Variants in GZF1 observed in about 807,000 individuals in gnomAD.
The protein encoded by GZF1 is GDNF inducible zinc finger protein 1.
GZF1 carries 28 observed loss-of-function variants against 49.4 expected under a neutral mutation model. The observed-to-expected ratio is 0.57, with a 90% confidence interval of 0.42 to 0.78. GZF1 has a LOEUF of 0.78. Among genes scored for constraint, GZF1 ranks in the 30% least tolerant of loss-of-function variants. GZF1 has a pLI of 0.00. For missense variants in GZF1, 798 were observed against 916.2 expected (o/e 0.87, Z 1.67); for synonymous variants, 364 against 356.0 (o/e 1.02, Z -0.25).
chr20:23,366,621 C>T (rs954980112), intron 2 of GZF1, among the ~76,000 whole-genome samples: 3 of 152,162 alleles, frequency 2.0e-5, no homozygotes, highest in Admixed American at 2.0e-4. Flanking sequence ...ACTTAATCAG[C>T]AGTAGTTCCT....
At chr20:23,367,863 T>C (rs1379786527) in intron 3 of GZF1, among the ~76,000 whole-genome samples, 1 of 152,252 alleles carries the variant, frequency 6.6e-6, no homozygotes, top group South Asian at 2.1e-4. Flanking sequence ...CCAATTCTTC[T>C]CAGTTTCTTC....
chr20:23,366,659 T>C (rs577928490), intron 2 of GZF1, among the ~76,000 whole-genome samples: 1 of 152,224 alleles, frequency 6.6e-6, no homozygotes, highest in Admixed American at 6.5e-5. Context: ...TTATTCTGTA[T>C]GAGACAGCTT....
chr20:23,369,090 CTG>C (rs1981754315), intron 4 of GZF1, among the ~76,000 whole-genome samples, 161 bp downstream of exon 4: 1 of 152,166 alleles, frequency 6.6e-6, no homozygotes, highest in Admixed American at 6.5e-5. Flanking sequence ...GTTTCTAACT[CTG>C]AGAAACTGAA....
Position 23,365,708 on chromosome 20 carries a change from C to G in GZF1, c.1325C>G (p.Ala442Gly). The change falls in exon 2 of 6, where the codon GCC (alanine) becomes GGC (glycine). Residue 442 changes from alanine to glycine, a missense_variant. Ala to Gly is a moderately conservative substitution (Grantham distance 60, BLOSUM62 0). Around this residue, in one of 3 missense-constraint regions of GZF1, gnomAD observed 446 missense variants for 540.1 expected, o/e 0.83. Coordinates refer to ENST00000338121, the MANE Select transcript of GZF1 (RefSeq NM_022482.5). ...CCCTACGGCTGCACCGAGTGCGGCG[C>G]CAGGTTCTCGCAGCCGTCCGCGCTC... Reference protein sequence around the residue: ...DRPYGCTECGARFSQPSALKT... With the variant: ...DRPYGCTECGGRFSQPSALKT... The G allele has an allele frequency of 6.4e-7, 1 of 1,565,294 alleles. No individual in the cohort carries two copies. Among genetic ancestry groups the G allele is most frequent in the Non-Finnish European group, 8.6e-7 (1 of 1,160,546 alleles).
chr20:23,365,751 C>G lies in GZF1; in HGVS notation c.1364+4C>G, dbSNP rs1010522445. 10 of 1,522,662 alleles carry G rather than the reference C, an allele frequency of 6.6e-6. No individual in the cohort carries two copies. The highest frequency in any genetic ancestry group is 4.1e-5 in the African/African-American group (3 of 72,934). 94.3% of individuals were successfully genotyped at this position (1,522,662 alleles called of 1,614,324 possible). ...CCGCGCTCAAGACGCACATGAGGTA[C>G]GCGGGGAGCCGTCCGGAGGGGTCCC... On this transcript the variant is annotated splice_donor_region_variant and intron_variant, in intron 2 of 5. Coordinates refer to ENST00000338121, the MANE Select transcript of GZF1 (RefSeq NM_022482.5).
chr20:23,366,948 G>T, intron 2 of GZF1, 55 bp from the exon 3 acceptor site: 2 of 1,244,370 alleles, frequency 1.6e-6, no homozygotes, highest in Non-Finnish European at 2.4e-6. Context: ...AAATTGTATT[G>T]CAAAGTGAGC....
intron 2 of GZF1, 22 bp from the exon 3 acceptor site, chr20:23,366,981 C>T (rs767375127): frequency 4.7e-6 from 7 of 1,492,260 alleles, no homozygotes; most frequent in Admixed American, 1.7e-5. Context: ...CCTAAGTTAT[C>T]ATCTGAATGT....
rs1010353979 is a variant in GZF1, at chr20:23,371,433, A to C, written c.*992A>C. ...AGATGGAAACAGGCAAGTAACTGAC[A>C]TGTCTATTTCCTTGGGAGCATGTGA... On this transcript the variant is annotated 3_prime_UTR_variant, in exon 6 of 6. Transcript: ENST00000338121. The C allele has an allele frequency of 6.6e-6, 1 of 152,620 alleles. No individual in the cohort carries two copies. Among genetic ancestry groups the C allele is most frequent in the African/African-American group, 2.4e-5 (1 of 41,456 alleles). The allele number at this position is 152,620 out of a possible 1,614,324, so 9.5% of individuals were successfully genotyped here. A position where few individuals can be genotyped will look rare whatever the true frequency, so the allele number is the denominator to read the frequency against.
In GZF1 at chr20:23,370,097, G is replaced by A; in HGVS notation, c.1792G>A (p.Asp598Asn). Residue 598 changes from aspartate (D) to asparagine (N), a missense_variant, in exon 6 of 6, where the codon GAT becomes AAT. Asp to Asn is a conservative substitution (Grantham distance 23, BLOSUM62 1). Transcript: ENST00000338121. ...STLRRHTSIH[D>N]KNTPWKSFLV... ...TTTTGTGTTTAACTTATAGATACAC[G>A]ATAAGAATACTCCATGGAAGTCTTT... The A allele has an allele frequency of 1.9e-6, 3 of 1,612,748 alleles. No individual in the cohort carries two copies. The highest frequency in any genetic ancestry group is 2.5e-6 in the Non-Finnish European group (3 of 1,178,778).
intron 2 of GZF1, among the ~76,000 whole-genome samples, chr20:23,366,744 T>C (rs1333473392): frequency 2.0e-5 from 3 of 152,238 alleles, no homozygotes; most frequent in Non-Finnish European, 2.9e-5. Context: ...ACATGCCTTA[T>C]AGCATCAGCA....
chr20:23,367,436 C>A (rs1286549073), intron 3 of GZF1, among the ~76,000 whole-genome samples: 2 of 152,280 alleles, frequency 1.3e-5, no homozygotes, highest in African/African-American at 4.8e-5. Context: ...ATGCTATTAT[C>A]CCCCTTCTTG....
At position 23,362,204 on chromosome 20, in the gene GZF1, G is replaced by C. The variant is rs192503280; in HGVS notation, c.-55G>C. On this transcript the variant is annotated 5_prime_UTR_variant, in exon 1 of 6. Transcript: ENST00000338121. The stretch of plus-strand genomic sequence containing the variant: ...GCCGTTCCTACCGGCCTGGTCCAGC[G>C]GACAGCGGCTGCAGCGGGGGCGCCG... The C allele has an allele frequency of 6.6e-6, 1 of 152,094 alleles. No homozygotes were observed. Among genetic ancestry groups the C allele is most frequent in the African/African-American group, 2.4e-5 (1 of 41,424 alleles). The allele number at this position is 152,094 out of a possible 1,614,324, so 9.4% of individuals were successfully genotyped here.
upstream of GZF1, among the ~76,000 whole-genome samples, chr20:23,361,628 C>A (rs1359431341): frequency 6.6e-6 from 1 of 152,186 alleles, no homozygotes; most frequent in African/African-American, 2.4e-5. Flanking sequence ...AGTTCTCCAG[C>A]GCCCGTGGAG....
chr20:23,369,717 G>C lies in GZF1; in HGVS notation c.1761G>C (p.Lys587Asn), dbSNP rs377683626. ...CNACGRTFTD[K>N]STLRRHTSIH... ...CGTGCGGACGGACATTCACCGACAA[G>C]TCCACTCTTCGGCGGCACACCTCAG... Residue 587 changes from lysine to asparagine, a missense_variant, in exon 5 of 6, where the codon AAG (lysine) becomes AAC (asparagine). Physicochemically the swap from Lys to Asn is moderately conservative, Grantham distance 94. This residue lies in a region of GZF1 where 446 missense variants were observed against 540.1 expected (regional missense o/e 0.83). Transcript: ENST00000338121. 1 of 1,613,174 alleles carries C rather than the reference G, an allele frequency of 6.2e-7. No homozygotes were observed. Among genetic ancestry groups the C allele is most frequent in the African/African-American group, 1.3e-5 (1 of 74,908 alleles).
rs1315164863 is a variant in GZF1 at position 23,370,286 on chromosome 20, C to G, written c.1981C>G (p.Gln661Glu). The change falls in exon 6 of 6, where the codon CAG becomes GAG. Residue 661 changes from glutamine to glutamate, a missense_variant. Gln to Glu is a conservative substitution (Grantham distance 29). This residue lies in a region of GZF1 where 446 missense variants were observed against 540.1 expected (regional missense o/e 0.83). Transcript: ENST00000338121. Reference sequence around the variant, plus strand: ...AGTCCAAGACACTGTACCTACCATGCAGGAGAACAGTTCTGCTGACACAGC... The same window carrying G: ...AGTCCAAGACACTGTACCTACCATGGAGGAGAACAGTTCTGCTGACACAGC... ...AAVQDTVPTM[Q>E]ENSSADTACK... The G allele has an allele frequency of 6.2e-7, 1 of 1,614,046 alleles. No homozygotes were observed. The highest frequency in any genetic ancestry group is 1.3e-5 in the African/African-American group (1 of 74,910).
chr20:23,365,697 C>G lies in GZF1; in HGVS notation c.1314C>G (p.Thr438=), dbSNP rs1981267499. Residue 438 remains threonine, a synonymous_variant, in exon 2 of 6, where the codon ACC becomes ACG. Coordinates refer to ENST00000338121, the MANE Select transcript of GZF1 (RefSeq NM_022482.5). The stretch of plus-strand genomic sequence containing the variant: ...CGGGAGACCGGCCCTACGGCTGCAC[C>G]GAGTGCGGCGCCAGGTTCTCGCAGC... ...THTGDRPYGC[T]ECGARFSQPS... 3.8e-6 allele frequency: 6 copies of G among 1,575,336 alleles called. No homozygotes were observed. Among genetic ancestry groups the G allele is most frequent in the Middle Eastern group, 1.7e-4 (1 of 5,974 alleles).
chr20:23,367,014 G>A lies in GZF1; in HGVS notation c.1376G>A (p.Gly459Glu). The A allele has an allele frequency of 1.2e-6, 2 of 1,610,820 alleles. No individual in the cohort carries two copies. Among genetic ancestry groups the A allele is most frequent in the East Asian group, 2.2e-5 (1 of 44,866 alleles). ...TGTTGTACTTTCAGAATTCATACAG[G>A]GGAAAAACCTTTTGTCTGTGATGAA... is the stretch of plus-strand genomic sequence containing the variant. ...ALKTHMRIHTGEKPFVCDECG... is the reference protein window; with the variant it reads ...ALKTHMRIHTEEKPFVCDECG... Residue 459 changes from glycine to glutamate, a missense_variant, in exon 3 of 6, where the codon GGG (glycine) becomes GAG (glutamate). This residue lies in a region of GZF1 where 446 missense variants were observed against 540.1 expected (regional missense o/e 0.83). Transcript: ENST00000338121.
At chr20:23,362,266 CG>C (rs893614491) in intron 1 of GZF1, 29 bp downstream of exon 1, 2 of 152,146 alleles carry the variant, frequency 1.3e-5, no homozygotes, top group African/African-American at 4.8e-5. Flanking sequence ...GGCCTGGCTC[CG>C]GCCCCTCGCC....
At chr20:23,366,954 T>G in intron 2 of GZF1, 49 bp from the exon 3 acceptor site, 12 of 1,291,604 alleles carry the variant, frequency 9.3e-6, no homozygotes, top group Non-Finnish European at 1.2e-5. Flanking sequence ...TATTGCAAAG[T>G]GAGCTTTGAA....
Sources: allele counts gnomAD v4.1 joint callset (sites outside exome capture counted in the v4.1 genomes callset), GRCh38; gene constraint gnomAD v4.1.1; regional missense constraint gnomAD v4.1.1; transcripts MANE v1.5; gene names NCBI Gene and HGNC (gene_info 2026-07-23, HGNC 2026-07-21).